The following CPT1C variants were observed in gnomAD, a reference collection of about 807,000 sequenced individuals.
CPT1C encodes the protein palmitoyl thioesterase CPT1C.
In CPT1C, 61 loss-of-function variants were observed where a neutral mutation model predicts 97.3. That is an observed-to-expected ratio of 0.63 (90% CI 0.51 to 0.78). CPT1C has a LOEUF of 0.78. CPT1C is among the 30% of genes least tolerant of loss of function. The pLI is 0.00. For synonymous variants in CPT1C, 469 were observed against 447.2 expected (o/e 1.05, Z -0.61); for missense variants, 975 against 1,065.5 (o/e 0.92, Z 1.18).
chr19:49,697,215 C>G, intron 3 of CPT1C, 111 bp from the exon 4 acceptor site: 1 of 1,380,896 alleles, frequency 7.2e-7, no homozygotes, highest in Non-Finnish European at 1.0e-6. Flanking sequence ...AGATCTTGAG[C>G]CTCCAGCTCA....
In CPT1C at chr19:49,713,477, T is replaced by C; in HGVS notation, c.2284T>C (p.Phe762Leu). 2 of 1,614,192 alleles carry C rather than the reference T, an allele frequency of 1.2e-6. No individual in the cohort carries two copies. The highest frequency in any genetic ancestry group is 1.7e-6 in the Non-Finnish European group (2 of 1,180,018). ...CGCACTGCTGGATGTGGCCTCCCTG[T>C]TCCAGGCGGGACAGCATTTTAAGCG... ...EDALLDVASL[F>L]QAGQHFKRRF... Residue 762 changes from phenylalanine to leucine, a missense_variant, in exon 20 of 20, where the codon TTC (phenylalanine) becomes CTC (leucine). This residue lies in a region of CPT1C where 344 missense variants were observed against 395.7 expected (regional missense o/e 0.87). Coordinates refer to ENST00000598293, the MANE Select transcript of CPT1C (RefSeq NM_001199753.2).
Position 49,712,510 on chromosome 19 carries a change from G to A in CPT1C, c.2020-226G>A, listed in dbSNP as rs538237795. 7.1e-5 allele frequency: 40 copies of A among 565,562 alleles called. No individual in the cohort carries two copies. The East Asian group carries it at 9.5e-4, about 13-fold the overall frequency. 35.0% of individuals were successfully genotyped at this position (565,562 alleles called of 1,614,324 possible). A position where few individuals can be genotyped will look rare whatever the true frequency, so the allele number is the denominator to read the frequency against. On this transcript the variant is annotated intron_variant, in intron 17 of 19. Coordinates refer to ENST00000598293, the MANE Select transcript of CPT1C (RefSeq NM_001199753.2). ...GATAAGAGGAAAGGGCGTGGTCAGA[G>A]GAGGGGCGTGGTCCGAGGGAGAAGA...
chr19:49,694,923 G>A (rs139940204), intron 3 of CPT1C, among the ~76,000 whole-genome samples: 1,993 of 152,140 alleles, frequency 0.013, 54 homozygotes, highest in African/African-American at 0.046. Context: ...GGCAGATCAC[G>A]AGGTCAGGAG....
At chr19:49,712,045 A>C in intron 17 of CPT1C, 84 bp downstream of exon 17, 2 of 1,513,614 alleles carry the variant, frequency 1.3e-6, no homozygotes, top group Non-Finnish European at 1.8e-6. Context: ...GGTGATGTTG[A>C]AAAAGGACCC....
intron 14 of CPT1C, 139 bp downstream of exon 14, chr19:49,708,978 C>T (rs1039576269): frequency 1.6e-6 from 1 of 614,352 alleles, no homozygotes; most frequent in African/African-American, 1.9e-5. Flanking sequence ...TCCCCCACCC[C>T]CAAATCAGGC....
rs1273423521 is a variant in CPT1C, at chr19:49,712,917, G to T, written c.2134-55G>T. 7 of 1,594,780 alleles carry T rather than the reference G, an allele frequency of 4.4e-6. No homozygotes were observed. In the East Asian group the frequency reaches 1.6e-4, roughly 36 times the overall value. ...GCTGGGGGGCCTGCACTCCTGCATA[G>T]TGGGGGTGGAGGGGACCGGAGCTAT... On this transcript the variant is annotated intron_variant, in intron 18 of 19. Coordinates refer to ENST00000598293, the MANE Select transcript of CPT1C (RefSeq NM_001199753.2).
chr19:49,705,146 G>C, intron 9 of CPT1C, 32 bp downstream of exon 9: 1 of 1,613,240 alleles, frequency 6.2e-7, no homozygotes, highest in Non-Finnish European at 8.5e-7. Flanking sequence ...AGGGATGGAG[G>C]TGTGGTCCTG....
At chr19:49,704,846 G>A in intron 8 of CPT1C, 59 bp downstream of exon 8, 1 of 1,534,982 alleles carries the variant, frequency 6.5e-7, no homozygotes, top group Admixed American at 1.7e-5. Flanking sequence ...GGGTACCTGG[G>A]CGGAATGTGA....
chr19:49,713,454 C>G lies in CPT1C; in HGVS notation c.2261C>G (p.Ala754Gly), dbSNP rs776111761. The G allele has an allele frequency of 1.2e-6, 2 of 1,614,020 alleles. No homozygotes were observed. Among genetic ancestry groups the G allele is most frequent in the Non-Finnish European group, 8.5e-7 (1 of 1,179,908 alleles). ...SHRLGQHIED[A>G]LLDVASLFQA... ...AGGCTGGGGCAGCACATTGAGGACG[C>G]ACTGCTGGATGTGGCCTCCCTGTTC... Residue 754 changes from alanine (A) to glycine (G), a missense_variant, in exon 20 of 20, where the codon GCA becomes GGA. Transcript: ENST00000598293.
At chr19:49,692,194 G>T (rs900051375) in intron 2 of CPT1C, 45 bp from the exon 3 acceptor site, 8 of 1,597,210 alleles carry the variant, frequency 5.0e-6, no homozygotes, top group Non-Finnish European at 6.0e-6. Context: ...CTGAGTCTGA[G>T]GGCGGAGGGG....
chr19:49,712,657 G>T, intron 17 of CPT1C, 79 bp from the exon 18 acceptor site: 1 of 1,067,142 alleles, frequency 9.4e-7, no homozygotes, highest in Non-Finnish European at 1.5e-6. Flanking sequence ...AAAAAGCCAG[G>T]GATGCAGGGA....
In CPT1C at chr19:49,707,533, C is replaced by T. The variant is rs753051824; in HGVS notation, c.1359C>T (p.Ser453=). Residue 453 remains serine, a synonymous_variant, in exon 13 of 20, where the codon TCC becomes TCT. Transcript: ENST00000598293. The part of the protein sequence containing the change: ...GRGHDRWFDK[S]FTLIVFSNGK... ...TCCCTGACAGCTGGTTTGACAAATC[C>T]TTCACCCTAATCGTCTTCTCTAACG... 1 of 1,613,766 alleles carries T rather than the reference C, an allele frequency of 6.2e-7. No individual in the cohort carries two copies. The highest frequency in any genetic ancestry group is 1.1e-5 in the South Asian group (1 of 91,052).
intron 14 of CPT1C, among the ~76,000 whole-genome samples, chr19:49,709,136 C>T (rs1054207129): frequency 4.6e-5 from 7 of 151,676 alleles, no homozygotes; most frequent in Non-Finnish European, 8.8e-5. Context: ...ACCCCAGCAC[C>T]AACCCCTACT....
chr19:49,701,587 C>G lies in CPT1C; in HGVS notation c.646C>G (p.Leu216Val), dbSNP rs372683388. 2 of 1,611,976 alleles carry G rather than the reference C, an allele frequency of 1.2e-6. No homozygotes were observed. Among genetic ancestry groups the G allele is most frequent in the Non-Finnish European group, 1.7e-6 (2 of 1,178,940 alleles). ...GGAATTCCTGAGGCTGCAGGCGTCG[C>G]TGCTGCAGTGGTACCTGCGGCTCAA... Reference protein sequence around the residue: ...AQEFLRLQASLLQWYLRLKSW... With the variant: ...AQEFLRLQASVLQWYLRLKSW... Residue 216 changes from leucine (L) to valine (V), a missense_variant, in exon 7 of 20, where the codon CTG becomes GTG. This residue lies in a region of CPT1C where 596 missense variants were observed against 603.1 expected (regional missense o/e 0.99). Transcript: ENST00000598293.
chr19:49,713,309 C>A (rs1239122981), intron 19 of CPT1C, 111 bp from the exon 20 acceptor site: 2 of 1,069,712 alleles, frequency 1.9e-6, no homozygotes, highest in East Asian at 4.8e-5. Context: ...AGTCCAGGCC[C>A]CAGCTCCTCC....
At chr19:49,695,386 C>T (rs1291794025) in intron 3 of CPT1C, among the ~76,000 whole-genome samples, 3 of 147,480 alleles carry the variant, frequency 2.0e-5, no homozygotes, top group Non-Finnish European at 4.5e-5. Context: ...TGGGTTCAAG[C>T]TATTCTCCTT....
chr19:49,700,180 G>A, intron 4 of CPT1C, among the ~76,000 whole-genome samples: 1 of 151,580 alleles, frequency 6.6e-6, no homozygotes, highest in Non-Finnish European at 1.5e-5. Flanking sequence ...CCAGGAGGCG[G>A]AGCTTGCAGT....
At chr19:49,702,085 ATATT>A (rs1386632559) in intron 7 of CPT1C, among the ~76,000 whole-genome samples, 2 of 98,034 alleles carry the variant, frequency 2.0e-5, no homozygotes, top group East Asian at 3.8e-4. Context: ...TTATAAATAT[ATATT>A]TATTTATAAA....
chr19:49,701,372 C>T lies in CPT1C; in HGVS notation c.509C>T (p.Ser170Phe), dbSNP rs1253772195. ...CCGATGCTGTTCAGTTACCAGCGCT[C>T]CCTGCCACGCCAGCCCGTGCCCTCT... Reference protein sequence around the residue: ...RHPMLFSYQRSLPRQPVPSVQ... With the variant: ...RHPMLFSYQRFLPRQPVPSVQ... Residue 170 changes from serine to phenylalanine, a missense_variant, in exon 6 of 20, where the codon TCC becomes TTC. Physicochemically the swap from Ser to Phe is radical, Grantham distance 155. Around this residue, in one of 3 missense-constraint regions of CPT1C, gnomAD observed 596 missense variants for 603.1 expected, o/e 0.99. Transcript: ENST00000598293. The T allele has an allele frequency of 6.2e-7, 1 of 1,613,656 alleles. No homozygotes were observed. The highest frequency in any genetic ancestry group is 8.5e-7 in the Non-Finnish European group (1 of 1,179,952).
Sources: gnomAD v4.1 joint callset for allele counts (sites outside exome capture counted in the v4.1 genomes callset) on GRCh38, gnomAD v4.1.1 for gene constraint, gnomAD v4.1.1 regional missense constraint, MANE v1.5 for transcripts, NCBI Gene and HGNC (gene_info 2026-07-23, HGNC 2026-07-21) for gene names.